Variants in CACNA1E observed in about 807,000 individuals in gnomAD.
CACNA1E encodes calcium voltage-gated channel subunit alpha1 E.
In CACNA1E, 40 loss-of-function variants were observed where a neutral mutation model predicts 259.2. The observed-to-expected ratio is 0.15, with a 90% CI of 0.12 to 0.20. The LOEUF is 0.20. Among genes scored for constraint, CACNA1E ranks in the 10% least tolerant of loss-of-function variants. The probability of loss-of-function intolerance (pLI) is 1.00; values close to 1 mark genes in which losing one functional copy is unlikely to be tolerated. For synonymous variants in CACNA1E, 1,104 were observed against 1,138.5 expected, an observed-to-expected ratio of 0.97 and a Z score of 0.61; for missense variants, 1,874 against 3,040.1, an observed-to-expected ratio of 0.62 and a Z score of 9.02.
rs1294539736 is a variant in CACNA1E at position 181,718,117 on chromosome 1, A to G, written c.1588A>G (p.Met530Val). 2 of 1,611,752 alleles carry G rather than the reference A, an allele frequency of 1.2e-6. No individual in the cohort carries two copies. The highest frequency in any genetic ancestry group is 1.3e-5 in the African/African-American group (1 of 74,902). Residue 530 changes from methionine (M) to valine (V), a missense_variant, in exon 12 of 48, where the codon ATG becomes GTG. Met to Val is a conservative substitution (Grantham distance 21, BLOSUM62 1). Around this residue, in one of 14 missense-constraint regions of CACNA1E, gnomAD observed 102 missense variants for 279.4 expected, o/e 0.37. Coordinates refer to ENST00000367573, the MANE Select transcript of CACNA1E (RefSeq NM_001205293.3). ...GGAGATGTCCCTGAAGATGTATGGC[A>G]TGGGGCCTCGCCTTTATTTTCACTC... ...LLEMSLKMYG[M>V]GPRLYFHSSF...
intron 32 of CACNA1E, among the ~76,000 whole-genome samples, chr1:181,759,914 C>A (rs1253511574): frequency 6.6e-6 from 1 of 152,118 alleles, no homozygotes; most frequent in Non-Finnish European, 1.5e-5. Flanking sequence ...TTAATTTGAT[C>A]ATTTTGGGTG....
In CACNA1E at chr1:181,485,514, C is replaced by A. The variant is rs1663726844; in HGVS notation, c.266+1504C>A. ...ACCCCGGCTGGGCTTCTCCCTCTCT[C>A]CTCTCTGCATCCCGCTCCCCTGCTC... is the stretch of plus-strand genomic sequence containing the variant. On this transcript the variant is annotated intron_variant, in intron 1 of 47. Coordinates refer to ENST00000367573, the MANE Select transcript of CACNA1E (RefSeq NM_001205293.3). The surrounding 1 kb of genome is among the most constrained non-coding windows in gnomAD (Gnocchi z 4.2). Among the ~76,000 whole-genome samples, 1 of 152,226 alleles carries A rather than the reference C, an allele frequency of 6.6e-6. No homozygotes were observed. The highest frequency in any genetic ancestry group is 6.5e-5 in the Admixed American group (1 of 15,288).
chr1:181,736,682 A>G (rs983464183), intron 22 of CACNA1E, among the ~76,000 whole-genome samples: 1 of 152,228 alleles, frequency 6.6e-6, no homozygotes, highest in Non-Finnish European at 1.5e-5. Context: ...GAGAAATGTC[A>G]TTGGAAAGGA....
chr1:181,466,546 T>TCAAACAAAAC (rs1662168498), intron 2 of CACNA1E, among the ~76,000 whole-genome samples: 6 of 9,594 alleles, frequency 6.3e-4, no homozygotes, highest in African/African-American at 3.2e-3. Context: ...AGACTCTGTC[T>TCAAACAAAAC]TAAACAAAAC....
chr1:181,720,906 G>A, intron 15 of CACNA1E, 51 bp downstream of exon 15: 3 of 1,134,378 alleles, frequency 2.6e-6, no homozygotes, highest in Non-Finnish European at 4.0e-6. Flanking sequence ...CCCTTGGACT[G>A]CACACTGCAA....
At chr1:181,418,908 C>T (rs2102178706) in intron 2 of CACNA1E, among the ~76,000 whole-genome samples, 1 of 151,892 alleles carries the variant, frequency 6.6e-6, no homozygotes, top group South Asian at 2.1e-4. Flanking sequence ...ATTAATTTAT[C>T]CATGTAATAA....
chr1:181,700,850 C>T (rs3766989), intron 7 of CACNA1E, among the ~76,000 whole-genome samples: 62,506 of 152,086 alleles, frequency 0.41, 15,671 homozygotes, highest in East Asian at 0.74. Flanking sequence ...TAGCCCACGC[C>T]GAGCCTCTAA....
intron 1 of CACNA1E, among the ~76,000 whole-genome samples, chr1:181,408,491 TTGACTC>T (rs1392244797): frequency 1.3e-5 from 2 of 152,250 alleles, no homozygotes; most frequent in Non-Finnish European, 1.5e-5. Flanking sequence ...GATCTTGACT[TTGACTC>T]TGGAAGGGTG....
intron 1 of CACNA1E, among the ~76,000 whole-genome samples, chr1:181,337,758 A>G (rs1349157920): frequency 6.6e-6 from 1 of 152,234 alleles, no homozygotes; most frequent in Non-Finnish European, 1.5e-5. Context: ...CCACTCATCC[A>G]TCGGTAGACA....
At chr1:181,524,324 A>AATTG (rs1207849406) in intron 3 of CACNA1E, among the ~76,000 whole-genome samples, 1 of 152,212 alleles carries the variant, frequency 6.6e-6, no homozygotes, top group Non-Finnish European at 1.5e-5. Flanking sequence ...AGAGCAATCT[A>AATTG]ATTGGAATAG....
At chr1:181,664,185 G>T (rs533388353) in intron 7 of CACNA1E, among the ~76,000 whole-genome samples, 1 of 152,290 alleles carries the variant, frequency 6.6e-6, no homozygotes, top group Non-Finnish European at 1.5e-5. Context: ...GTGATTTTAG[G>T]ACTCCCAGTC....
chr1:181,744,577 C>T (rs2102621353), intron 25 of CACNA1E, among the ~76,000 whole-genome samples: 1 of 152,344 alleles, frequency 6.6e-6, no homozygotes, highest in South Asian at 2.1e-4. Context: ...TCACCCTAAA[C>T]CTGGCTGTTT....
chr1:181,420,664 G>T (rs1216250788), intron 2 of CACNA1E, among the ~76,000 whole-genome samples: 1 of 152,154 alleles, frequency 6.6e-6, no homozygotes, highest in African/African-American at 2.4e-5. Context: ...TATATGGTAG[G>T]TGATTTGCAT....
At chr1:181,789,936 GTATGGTACAA>G (rs1558395112) in intron 43 of CACNA1E, among the ~76,000 whole-genome samples, 1 of 152,154 alleles carries the variant, frequency 6.6e-6, no homozygotes, top group Admixed American at 6.5e-5. Context: ...CAGACTTAAT[GTATGGTACAA>G]AGTAGTCCTT....
At chr1:181,373,560 C>T (rs866447102) in intron 1 of CACNA1E, among the ~76,000 whole-genome samples, 6 of 125,268 alleles carry the variant, frequency 4.8e-5, no homozygotes, top group Middle Eastern at 4.5e-3. Context: ...TTTTTTGAGA[C>T]GGAGACTCGC....
intron 1 of CACNA1E, among the ~76,000 whole-genome samples, chr1:181,362,658 C>A (rs533445408): frequency 9.5e-4 from 145 of 152,276 alleles, no homozygotes; most frequent in Non-Finnish European, 1.5e-4. Context: ...TAAAGTTTGC[C>A]AATGCTTTGG....
intron 1 of CACNA1E, among the ~76,000 whole-genome samples, chr1:181,345,306 C>T (rs1020027917): frequency 3.9e-5 from 6 of 152,222 alleles, no homozygotes; most frequent in Non-Finnish European, 7.3e-5. Flanking sequence ...GTGCCACAGA[C>T]CCTGGGGTGA....
At chr1:181,726,524 T>C (rs1184895341) in intron 18 of CACNA1E, among the ~76,000 whole-genome samples, 1 of 151,290 alleles carries the variant, frequency 6.6e-6, no homozygotes, top group African/African-American at 2.4e-5. Flanking sequence ...ATGTGACATT[T>C]TGAAGGAAGA....
At chr1:181,640,161 A>G (rs934263734) in intron 6 of CACNA1E, among the ~76,000 whole-genome samples, 4 of 152,194 alleles carry the variant, frequency 2.6e-5, no homozygotes, top group African/African-American at 7.2e-5. Flanking sequence ...ACTGTCCCCA[A>G]GGTCTGTCAA....
Sources: allele counts gnomAD v4.1 joint callset (sites outside exome capture counted in the v4.1 genomes callset), GRCh38; gene constraint gnomAD v4.1.1; regional missense constraint gnomAD v4.1.1; non-coding constraint Gnocchi (gnomAD v3.1); transcripts MANE v1.5; gene names NCBI Gene and HGNC (gene_info 2026-07-23, HGNC 2026-07-21).